The following ST8SIA6 variants were observed in gnomAD, a reference collection of about 807,000 sequenced individuals.
ST8SIA6 encodes the protein ST8 alpha-N-acetyl-neuraminide alpha-2,8-sialyltransferase 6, also known as alpha-2,8-sialyltransferase 8F.
In ST8SIA6, 39 loss-of-function variants were observed where a neutral mutation model predicts 33.6. That is an observed-to-expected ratio of 1.16 (90% CI 0.90 to 1.52). ST8SIA6 has a LOEUF of 1.52. ST8SIA6 is among the 40% of genes most tolerant of loss of function. The pLI, the probability that ST8SIA6 is intolerant of heterozygous loss-of-function variation, is 0.00. For missense variants in ST8SIA6, 441 were observed against 443.8 expected, an observed-to-expected ratio of 0.99 and a Z score of 0.06; for synonymous variants, 172 against 167.2, an observed-to-expected ratio of 1.03 and a Z score of -0.22.
chr10:17,386,722 A>G (rs1239916301), intron 3 of ST8SIA6, among the ~76,000 whole-genome samples: 2 of 152,208 alleles, frequency 1.3e-5, no homozygotes, highest in Non-Finnish European at 2.9e-5. Context: ...AGGCCATTTC[A>G]GGCCGAGGCC....
intron 2 of ST8SIA6, among the ~76,000 whole-genome samples, chr10:17,440,719 C>A (rs927205307): frequency 2.0e-5 from 3 of 152,122 alleles, no homozygotes; most frequent in Admixed American, 6.6e-5. Context: ...TAAAGAACCA[C>A]TGTCAGGAGC....
At chr10:17,365,259 T>C (rs1849521429) in intron 3 of ST8SIA6, among the ~76,000 whole-genome samples, 1 of 152,182 alleles carries the variant, frequency 6.6e-6, no homozygotes, top group African/African-American at 2.4e-5. Flanking sequence ...TCTAGAAACG[T>C]CTCTTTGAAG....
At chr10:17,433,261 G>A (rs1049208786) in intron 2 of ST8SIA6, among the ~76,000 whole-genome samples, 3 of 151,990 alleles carry the variant, frequency 2.0e-5, no homozygotes, top group Admixed American at 6.6e-5. Flanking sequence ...TTAAACACAC[G>A]TGACACATCT....
At chr10:17,442,134 T>C (rs1016012916) in intron 2 of ST8SIA6, among the ~76,000 whole-genome samples, 1 of 152,270 alleles carries the variant, frequency 6.6e-6, no homozygotes, top group Non-Finnish European at 1.5e-5. Flanking sequence ...CCCGAAGTGC[T>C]GGGATTACAG....
intron 7 of ST8SIA6, 101 bp from the exon 8 acceptor site, chr10:17,321,447 C>G: frequency 3.3e-6 from 3 of 918,852 alleles, no homozygotes; most frequent in Non-Finnish European, 4.8e-6. Context: ...AAACACTGAA[C>G]GATTTGTATA....
At chr10:17,450,532 G>A (rs977241763) in intron 2 of ST8SIA6, among the ~76,000 whole-genome samples, 12 of 152,060 alleles carry the variant, frequency 7.9e-5, no homozygotes, top group Admixed American at 5.2e-4. Context: ...CCTCCCCTTC[G>A]TTGGTTCAAG....
intron 4 of ST8SIA6, among the ~76,000 whole-genome samples, chr10:17,348,465 G>A (rs1848921894): frequency 6.6e-6 from 1 of 152,142 alleles, no homozygotes; most frequent in Admixed American, 6.6e-5. Flanking sequence ...AGTCCTAACT[G>A]TAGGCTTAGG....
intron 4 of ST8SIA6, among the ~76,000 whole-genome samples, chr10:17,355,825 C>G (rs1849172185): frequency 1.3e-5 from 2 of 152,194 alleles, no homozygotes; most frequent in African/African-American, 4.8e-5. Flanking sequence ...AAATTATCCT[C>G]TTTATCTTGC....
At chr10:17,452,171 C>A (rs758158055) in intron 2 of ST8SIA6, among the ~76,000 whole-genome samples, 1 of 151,944 alleles carries the variant, frequency 6.6e-6, no homozygotes, top group Non-Finnish European at 1.5e-5. Context: ...CTATAGGACA[C>A]TATTTTTCTC....
intron 2 of ST8SIA6, among the ~76,000 whole-genome samples, chr10:17,434,266 A>G (rs1852185691): frequency 6.6e-6 from 1 of 152,194 alleles, no homozygotes; most frequent in Admixed American, 6.5e-5. Context: ...ATCTTCTAAG[A>G]TTCAACAATT....
chr10:17,368,115 G>T (rs189775011), intron 3 of ST8SIA6, among the ~76,000 whole-genome samples: 1 of 151,406 alleles, frequency 6.6e-6, no homozygotes, highest in Non-Finnish European at 1.5e-5. Flanking sequence ...TATGTTCTCC[G>T]CCAGGCGCAG....
rs890389221 is a variant in ST8SIA6, at chr10:17,426,189, G to A, written c.200+27370C>T. 7.9e-5 allele frequency among the ~76,000 whole-genome samples: 12 copies of A among 152,120 alleles called. No individual in the cohort carries two copies. In the South Asian group the frequency reaches 1.2e-3, roughly 16 times the overall value. On this transcript the variant is annotated intron_variant, in intron 2 of 7. Transcript: ENST00000377602. ...AAGTGCTGGTGACCCTGTGTGGCACGCGATGTCCTCTTCTGCCCTGCTGTG... is the reference window on the plus strand; with the variant it reads ...AAGTGCTGGTGACCCTGTGTGGCACACGATGTCCTCTTCTGCCCTGCTGTG...
intron 2 of ST8SIA6, among the ~76,000 whole-genome samples, chr10:17,400,906 C>A (rs563425713): frequency 6.6e-6 from 1 of 152,182 alleles, no homozygotes; most frequent in Non-Finnish European, 1.5e-5. Flanking sequence ...TCCTATTCAA[C>A]AAAGTGTTGG....
At chr10:17,397,294 C>T (rs1191873142) in intron 2 of ST8SIA6, among the ~76,000 whole-genome samples, 1 of 127,182 alleles carries the variant, frequency 7.9e-6, no homozygotes, top group African/African-American at 2.9e-5. Flanking sequence ...ACTGCAATGG[C>T]GTATTCTCAG....
intron 3 of ST8SIA6, among the ~76,000 whole-genome samples, chr10:17,378,377 G>A (rs1229930179): frequency 4.6e-5 from 7 of 152,116 alleles, no homozygotes; most frequent in African/African-American, 1.2e-4. Context: ...AAGCAAAAAC[G>A]GATAATGTCA....
In ST8SIA6 at chr10:17,331,400, T is replaced by C; in HGVS notation, c.522+8A>G. 6.2e-7 allele frequency: 1 copy of C among 1,607,192 alleles called. No homozygotes were observed. Among genetic ancestry groups the C allele is most frequent in the Non-Finnish European group, 8.5e-7 (1 of 1,177,866 alleles). On this transcript the variant is annotated splice_region_variant and intron_variant, in intron 5 of 7. Transcript: ENST00000377602. ...AACACAAATAACCCACCAGAAACCT[T>C]TACTCACCACTGGAAACATATGAAA...
intron 3 of ST8SIA6, among the ~76,000 whole-genome samples, chr10:17,380,859 G>A (rs1327122178): frequency 6.6e-6 from 1 of 151,442 alleles, no homozygotes; most frequent in African/African-American, 2.4e-5. Context: ...GTGTTTGTGT[G>A]TATGTGTTTG....
intron 4 of ST8SIA6, among the ~76,000 whole-genome samples, chr10:17,348,451 G>A (rs186322352): frequency 1.5e-3 from 221 of 152,156 alleles, no homozygotes; most frequent in African/African-American, 5.1e-3. Context: ...AATTTACCAG[G>A]CCAAGTCCTA....
At position 17,444,676 on chromosome 10, in the gene ST8SIA6, A is replaced by G. The variant is rs78208352; in HGVS notation, c.200+8883T>C. ...GACAATTGCACCTGATAGCTTTTCCAGAGCAGAGCAGCCAGAGAGGTGACA... is the reference window on the plus strand; with the variant it reads ...GACAATTGCACCTGATAGCTTTTCCGGAGCAGAGCAGCCAGAGAGGTGACA... On this transcript the variant is annotated intron_variant, in intron 2 of 7. Coordinates refer to ENST00000377602, the MANE Select transcript of ST8SIA6 (RefSeq NM_001004470.3). Among the ~76,000 whole-genome samples the G allele has an allele frequency of 1.2e-3, 182 of 152,350 alleles. 3 individuals carry two copies. The East Asian group carries it at 0.026, about 22-fold the overall frequency.
Sources: allele counts gnomAD v4.1 joint callset (sites outside exome capture counted in the v4.1 genomes callset), GRCh38; gene constraint gnomAD v4.1.1; transcripts MANE v1.5; gene names NCBI Gene and HGNC (gene_info 2026-07-23, HGNC 2026-07-21).